MARCHF3: variants seen among roughly 807,000 people sequenced by gnomAD.
MARCHF3 encodes the protein E3 ubiquitin-protein ligase MARCHF3.
MARCHF3 carries 13 observed loss-of-function variants against 24.2 expected under a neutral mutation model. The observed-to-expected ratio is 0.54, with a 90% CI of 0.35 to 0.85. The LOEUF (loss-of-function observed/expected upper bound fraction) is 0.85, where lower values mean the gene tolerates loss of function less well. Ranked by LOEUF, MARCHF3 falls within the 40% of genes least tolerant of loss-of-function variation. The pLI, the probability that MARCHF3 is intolerant of heterozygous loss-of-function variation, is 0.01. For synonymous variants in MARCHF3, 144 were observed against 137.3 expected (o/e 1.05, Z -0.34); for missense variants, 276 against 325.0 (o/e 0.85, Z 1.16).
chr5:127,005,930 G>A (rs765526751), intron 1 of MARCHF3, among the ~76,000 whole-genome samples: 10 of 152,122 alleles, frequency 6.6e-5, no homozygotes, highest in Non-Finnish European at 1.3e-4. Context: ...TGGCCAGGGT[G>A]GTGGCTCATG....
At chr5:126,993,014 C>A (rs1282236223) in intron 1 of MARCHF3, among the ~76,000 whole-genome samples, 1 of 152,070 alleles carries the variant, frequency 6.6e-6, no homozygotes, top group Non-Finnish European at 1.5e-5. Context: ...CCTCGTGATC[C>A]GTCCGCCTCG....
At chr5:126,964,785 G>C (rs943210649) in intron 1 of MARCHF3, among the ~76,000 whole-genome samples, 1 of 152,160 alleles carries the variant, frequency 6.6e-6, no homozygotes, top group African/African-American at 2.4e-5. Context: ...TTCAGTGTGA[G>C]ACCAGCTGAA....
At chr5:126,995,677 G>A (rs12654725) in intron 1 of MARCHF3, among the ~76,000 whole-genome samples, 7,852 of 152,188 alleles carry the variant, frequency 0.052, 377 homozygotes, top group South Asian at 0.14. Flanking sequence ...TGACCATTAT[G>A]TACTGTCTCC....
intron 1 of MARCHF3, among the ~76,000 whole-genome samples, chr5:127,001,280 C>A (rs924384774): frequency 4.0e-5 from 6 of 151,568 alleles, no homozygotes; most frequent in African/African-American, 1.5e-4. Flanking sequence ...ACAGGATTTC[C>A]AATGCCATTT....
intron 1 of MARCHF3, among the ~76,000 whole-genome samples, chr5:126,944,132 T>C (rs1749929428): frequency 6.6e-6 from 1 of 151,868 alleles, no homozygotes; most frequent in East Asian, 1.9e-4. Context: ...TCTTAGCCAC[T>C]CATAATCCCA....
Position 126,892,536 on chromosome 5 carries a change from A to AT in MARCHF3, c.394-14143dup, listed in dbSNP as rs1753732756. The stretch of plus-strand genomic sequence containing the variant: ...TTTGTCAAAGGCTTTTTCTGCATCT[A>AT]TTGAGATACTCATGTGGTTTTTGTC... On this transcript the variant is annotated intron_variant, in intron 3 of 4. Transcript: ENST00000308660. Among the ~76,000 whole-genome samples the AT allele has an allele frequency of 2.0e-5, 3 of 148,852 alleles. 1 individual carries two copies. Among genetic ancestry groups the AT allele is most frequent in the African/African-American group, 7.7e-5 (3 of 39,148 alleles).
intron 1 of MARCHF3, among the ~76,000 whole-genome samples, chr5:126,986,869 G>C (rs1206614042): frequency 6.6e-6 from 1 of 152,162 alleles, no homozygotes; most frequent in Non-Finnish European, 1.5e-5. Context: ...GATGCAATTG[G>C]GAGATGAACA....
chr5:126,942,666 G>T (rs529323737), intron 1 of MARCHF3, among the ~76,000 whole-genome samples: 25 of 152,284 alleles, frequency 1.6e-4, no homozygotes, highest in African/African-American at 5.8e-4. Flanking sequence ...ACTATCTTAG[G>T]TCATTTAAAG....
At chr5:126,894,255 CTG>C (rs1265305442) in intron 3 of MARCHF3, among the ~76,000 whole-genome samples, 1 of 143,228 alleles carries the variant, frequency 7.0e-6, no homozygotes, top group Non-Finnish European at 1.5e-5. Flanking sequence ...ATTTGCCAGT[CTG>C]TGTCTTTTAA....
chr5:126,917,719 C>A (rs1459911552), intron 2 of MARCHF3, among the ~76,000 whole-genome samples: 1 of 152,172 alleles, frequency 6.6e-6, no homozygotes, highest in Non-Finnish European at 1.5e-5. Context: ...AATAACAACC[C>A]CGTATCTTGT....
intron 1 of MARCHF3, among the ~76,000 whole-genome samples, chr5:127,002,936 C>T (rs1752176173): frequency 6.6e-6 from 1 of 152,174 alleles, no homozygotes; most frequent in Non-Finnish European, 1.5e-5. Flanking sequence ...ATAGTGTACG[C>T]TGGCAGGAAA....
At chr5:126,929,596 G>A (rs1749415960) in intron 1 of MARCHF3, among the ~76,000 whole-genome samples, 1 of 152,194 alleles carries the variant, frequency 6.6e-6, no homozygotes, top group Admixed American at 6.5e-5. Context: ...CATGAGCACT[G>A]CTTAATTCTT....
chr5:127,018,134 A>G (rs1208472363), intron 1 of MARCHF3, among the ~76,000 whole-genome samples: 1 of 152,176 alleles, frequency 6.6e-6, no homozygotes, highest in East Asian at 1.9e-4. Context: ...ACTTTGGGAG[A>G]CCAAGGCGGG....
chr5:126,879,329 T>C (rs1427338505), intron 3 of MARCHF3, among the ~76,000 whole-genome samples: 1 of 152,152 alleles, frequency 6.6e-6, no homozygotes, highest in Admixed American at 6.5e-5. Flanking sequence ...GTGAGTACTT[T>C]TAGTGAATAA....
At chr5:126,918,953 C>T (rs1280407842) in intron 1 of MARCHF3, among the ~76,000 whole-genome samples, 2 of 152,116 alleles carry the variant, frequency 1.3e-5, no homozygotes, top group Non-Finnish European at 2.9e-5. Flanking sequence ...ACAATAAATA[C>T]GTTAGCATGA....
In MARCHF3 at chr5:126,951,581, C is replaced by T. The variant is rs143559708; in HGVS notation, c.-56-33354G>A. Among the ~76,000 whole-genome samples, 1,145 of 152,296 alleles carry T rather than the reference C, an allele frequency of 7.5e-3. 14 individuals are homozygous for T. Among genetic ancestry groups the T allele is most frequent in the Middle Eastern group, 0.014 (4 of 294 alleles). ...TCTCCATCCTTCCAATGAACTTGAGCGTGAGCAATGAACTTGAGTGTACAG... is the reference window on the plus strand; with the variant it reads ...TCTCCATCCTTCCAATGAACTTGAGTGTGAGCAATGAACTTGAGTGTACAG... On this transcript the variant is annotated intron_variant, in intron 1 of 4. Transcript: ENST00000308660.
rs573400898 is a variant in MARCHF3, at chr5:126,966,872, T to G, written c.-56-48645A>C. Among the ~76,000 whole-genome samples, 3 of 150,330 alleles carry G rather than the reference T, an allele frequency of 2.0e-5. No homozygotes were observed. In the South Asian group the frequency reaches 6.3e-4, roughly 32 times the overall value. Reference sequence around the variant, plus strand: ...CTCTTTAAATTCTTGTATTTGCTTCTTTTCTGTTTCTCTCTTGTTGGGCTG... The same window carrying G: ...CTCTTTAAATTCTTGTATTTGCTTCGTTTCTGTTTCTCTCTTGTTGGGCTG... On this transcript the variant is annotated intron_variant, in intron 1 of 4. Transcript: ENST00000308660.
chr5:126,893,075 G>A lies in MARCHF3; in HGVS notation c.394-14681C>T, dbSNP rs564281682. On this transcript the variant is annotated intron_variant, in intron 3 of 4. Coordinates refer to ENST00000308660, the MANE Select transcript of MARCHF3 (RefSeq NM_178450.5). The stretch of plus-strand genomic sequence containing the variant: ...CTTCTAGATTTTCTAGTTTATTTGC[G>A]TAGAGGTGTTTGTAGTATTCTCTGA... Among the ~76,000 whole-genome samples the A allele has an allele frequency of 4.2e-4, 64 of 151,922 alleles. 1 individual carries two copies. In the East Asian group the frequency reaches 7.5e-3, roughly 18 times the overall value.
chr5:127,023,733 AAAATAAATAAATAAAT>A (rs147240868), intron 1 of MARCHF3, among the ~76,000 whole-genome samples: 1,520 of 141,404 alleles, frequency 0.011, 21 homozygotes, highest in African/African-American at 0.037. Flanking sequence ...TCTGTCTCAA[AAAATAAATAAATAAAT>A]AAATAAATAA....
Sources: gnomAD v4.1 joint callset for allele counts (sites outside exome capture counted in the v4.1 genomes callset) on GRCh38, gnomAD v4.1.1 for gene constraint, MANE v1.5 for transcripts, NCBI Gene and HGNC (gene_info 2026-07-23, HGNC 2026-07-21) for gene names.